The following SPG11 variants were observed in gnomAD, a reference collection of about 807,000 sequenced individuals.
SPG11 encodes SPG11 vesicle trafficking associated, spatacsin, also known as spatacsin.
A neutral mutation model predicts 274.0 loss-of-function variants in SPG11; 222 were observed. That is an observed-to-expected ratio of 0.81 (90% CI 0.73 to 0.91). The LOEUF is 0.91. SPG11 is among the 40% of genes least tolerant of loss of function. The pLI is 0.00. For missense variants in SPG11, 3,114 were observed against 2,872.7 expected (o/e 1.08, Z -1.92); for synonymous variants, 1,144 against 1,039.7 (o/e 1.10, Z -1.93).
At chr15:44,630,704 C>T (rs766214639) in intron 8 of SPG11, among the ~76,000 whole-genome samples, 17 of 152,068 alleles carry the variant, frequency 1.1e-4, no homozygotes, top group Non-Finnish European at 1.8e-4. Context: ...CTCAGCCTCC[C>T]GAGTAGCTGG....
chr15:44,601,690 T>C (rs1459799742), intron 20 of SPG11, among the ~76,000 whole-genome samples: 4 of 151,798 alleles, frequency 2.6e-5, no homozygotes, highest in African/African-American at 7.3e-5. Flanking sequence ...CCTAAGTAGC[T>C]AGGACTTAGA....
intron 18 of SPG11, among the ~76,000 whole-genome samples, chr15:44,610,483 A>G (rs1458748556): frequency 1.3e-5 from 2 of 152,220 alleles, no homozygotes; most frequent in South Asian, 2.1e-4. Context: ...CTCAGGTTCA[A>G]GTGATTCTCA....
chr15:44,654,014 T>C (rs2084862863), intron 4 of SPG11, among the ~76,000 whole-genome samples: 1 of 152,128 alleles, frequency 6.6e-6, no homozygotes, highest in Admixed American at 6.5e-5. Context: ...AGTGCAGTGG[T>C]GCAATGACAG....
At chr15:44,563,555 G>A (rs1025950491) in intron 39 of SPG11, among the ~76,000 whole-genome samples, 9 of 152,300 alleles carry the variant, frequency 5.9e-5, no homozygotes, top group African/African-American at 2.2e-4. Context: ...CTAGGCTGGT[G>A]TTGAACTCCG....
chr15:44,638,863 G>A (rs1440218668), intron 7 of SPG11, among the ~76,000 whole-genome samples: 1 of 152,058 alleles, frequency 6.6e-6, no homozygotes, highest in Non-Finnish European at 1.5e-5. Flanking sequence ...GGGCGTGGGG[G>A]TGCATGCCTG....
At chr15:44,600,321 G>GA in intron 21 of SPG11, 146 bp downstream of exon 21, 1 of 814,418 alleles carries the variant, frequency 1.2e-6, no homozygotes, top group Non-Finnish European at 2.0e-6. Context: ...GAGCCTCACT[G>GA]TCACCCAGGC....
Position 44,567,608 on chromosome 15 carries a change from G to A in SPG11, c.6586-16C>T, listed in dbSNP as rs1258840841. 2.5e-6 allele frequency: 4 copies of A among 1,613,832 alleles called. No individual in the cohort carries two copies. The highest frequency in any genetic ancestry group is 1.7e-6 in the Non-Finnish European group (2 of 1,179,862). ...GGGTACCACTCTGCCCAGAATAAAA[G>A]GGAAAAAGCAAGGTGTCAGTCAGGG... On this transcript the variant is annotated splice_polypyrimidine_tract_variant and intron_variant, in intron 35 of 39. Coordinates refer to ENST00000261866, the MANE Select transcript of SPG11 (RefSeq NM_025137.4).
At chr15:44,591,955 C>T (rs1319140171) in intron 27 of SPG11, among the ~76,000 whole-genome samples, 1 of 151,954 alleles carries the variant, frequency 6.6e-6, no homozygotes, top group African/African-American at 2.4e-5. Flanking sequence ...ACTAAAAATA[C>T]AAAACGTTAG....
At position 44,594,816 on chromosome 15, in the gene SPG11, T is replaced by TTTG. The variant is rs201483827; in HGVS notation, c.4635+440_4635+442dup. The stretch of plus-strand genomic sequence containing the variant: ...ACGACTTTGCTAAGTAAATGGTACT[T>TTTG]TTGTTGTTGTTGTTGTTTTTGAGAC... On this transcript the variant is annotated intron_variant, in intron 26 of 39. Transcript: ENST00000261866. Among the ~76,000 whole-genome samples, 13 of 152,088 alleles carry TTTG rather than the reference T, an allele frequency of 8.5e-5. No homozygotes were observed. The East Asian group carries it at 9.7e-4, about 11-fold the overall frequency.
In SPG11 at chr15:44,569,461, G is replaced by A. The variant is rs756640383; in HGVS notation, c.6522C>T (p.Tyr2174=). The change falls in exon 35 of 40, where the codon TAC becomes TAT. Residue 2174 remains tyrosine (Y), a synonymous_variant. Coordinates refer to ENST00000261866, the MANE Select transcript of SPG11 (RefSeq NM_025137.4). ...GCTTTTTATGCAGCAAATCAAATAT[G>A]TATGTCATCTCGTTGTACCTTCCAA... ...TGIGRYNEMT[Y]IFDLLHKKHY... is the part of the protein sequence containing the mutation. 6.2e-7 allele frequency: 1 copy of A among 1,605,712 alleles called. No homozygotes were observed. The highest frequency in any genetic ancestry group is 2.2e-5 in the East Asian group (1 of 44,748).
rs151137503 is a variant in SPG11 at position 44,595,316 on chromosome 15, T to C, written c.4578A>G (p.Thr1526=). The change falls in exon 26 of 40, where the codon ACA becomes ACG. Residue 1526 remains threonine, a synonymous_variant. Transcript: ENST00000261866. ...NLEDLSVIWR[T]LLTRQKSKTL... ...TTTTGCTCTTTTGTCTTGTTAATAA[T>C]GTTCTCCAGATGACTGAAAGATCCT... 4.3e-4 allele frequency: 699 copies of C among 1,614,250 alleles called. 2 individuals are homozygous for C. The African/African-American group carries it at 8.6e-3, about 20-fold the overall frequency.
In SPG11 at chr15:44,626,440, C is replaced by T; in HGVS notation, c.2135G>A (p.Ser712Asn). 6.2e-7 allele frequency: 1 copy of T among 1,614,000 alleles called. No homozygotes were observed. The highest frequency in any genetic ancestry group is 1.1e-5 in the South Asian group (1 of 91,080). Reference protein sequence around the residue: ...PEAQTFFRIDSHSAQKLEELI... With the variant: ...PEAQTFFRIDNHSAQKLEELI... ...CTCCTCAAGTTTTTGAGCAGAATGACTATCAATCCTGAAGAAAGTCTGTGC... is the reference window on the plus strand; with the variant it reads ...CTCCTCAAGTTTTTGAGCAGAATGATTATCAATCCTGAAGAAAGTCTGTGC... Residue 712 changes from serine to asparagine, a missense_variant, in exon 11 of 40, where the codon AGT (serine) becomes AAT (asparagine). By Grantham distance (46) the Ser-to-Asn change is conservative. Coordinates refer to ENST00000261866, the MANE Select transcript of SPG11 (RefSeq NM_025137.4).
chr15:44,566,861 G>C (rs2082319752), intron 36 of SPG11, among the ~76,000 whole-genome samples: 1 of 151,948 alleles, frequency 6.6e-6, no homozygotes, highest in Non-Finnish European at 1.5e-5. Flanking sequence ...CGCCACACCT[G>C]GCTATTTTTT....
chr15:44,608,701 G>T, intron 18 of SPG11, 96 bp from the exon 19 acceptor site: 1 of 1,216,912 alleles, frequency 8.2e-7, no homozygotes, highest in Non-Finnish European at 1.2e-6. Context: ...AGATTAGCTT[G>T]AGAAGAGTAT....
chr15:44,564,487 C>G, intron 39 of SPG11, 60 bp downstream of exon 39: 1 of 1,577,494 alleles, frequency 6.3e-7, no homozygotes, highest in African/African-American at 1.3e-5. Context: ...AATTCTTACA[C>G]TTGTCTCACC....
intron 16 of SPG11, among the ~76,000 whole-genome samples, chr15:44,614,833 G>A (rs1377262240): frequency 6.6e-6 from 1 of 152,154 alleles, no homozygotes; most frequent in African/African-American, 2.4e-5. Context: ...TGTTATTACT[G>A]ACCCAATAGC....
chr15:44,565,030 C>T (rs1422290062), intron 38 of SPG11, among the ~76,000 whole-genome samples: 1 of 152,178 alleles, frequency 6.6e-6, no homozygotes, highest in Non-Finnish European at 1.5e-5. Context: ...TGCCACCATG[C>T]CTAGCTTCTT....
intron 11 of SPG11, among the ~76,000 whole-genome samples, chr15:44,623,346 A>G (rs1361061578): frequency 6.6e-6 from 1 of 152,168 alleles, no homozygotes; most frequent in South Asian, 2.1e-4. Context: ...AGGCAATGCT[A>G]GGCTACCACA....
intron 26 of SPG11, among the ~76,000 whole-genome samples, chr15:44,594,595 C>CA (rs1567147121): frequency 1.2e-4 from 9 of 76,382 alleles, no homozygotes; most frequent in South Asian, 3.9e-4. Flanking sequence ...ATTAAAAATG[C>CA]GAAAAAAAAA....
Sources: gnomAD v4.1 joint callset for allele counts (sites outside exome capture counted in the v4.1 genomes callset) on GRCh38, gnomAD v4.1.1 for gene constraint, MANE v1.5 for transcripts, NCBI Gene and HGNC (gene_info 2026-07-23, HGNC 2026-07-21) for gene names.